The following LRP1B variants were observed in gnomAD, a reference collection of about 807,000 sequenced individuals.
The protein encoded by LRP1B is LDL receptor related protein 1B.
In LRP1B, 217 loss-of-function variants were observed where a neutral mutation model predicts 556.6. That is an observed-to-expected ratio of 0.39 (90% CI 0.35 to 0.44). The LOEUF (loss-of-function observed/expected upper bound fraction) is 0.44. Ranked by LOEUF, LRP1B falls within the 20% of genes least tolerant of loss-of-function variation. The pLI, the probability that LRP1B is intolerant of heterozygous loss-of-function variation, is 1.00. For synonymous variants in LRP1B, 2,047 were observed against 1,865.8 expected, an observed-to-expected ratio of 1.10 and a Z score of -2.50; for missense variants, 5,053 against 5,620.8, an observed-to-expected ratio of 0.90 and a Z score of 3.23.
intron 3 of LRP1B, among the ~76,000 whole-genome samples, chr2:141,441,066 A>T (rs889459394): frequency 1.4e-4 from 21 of 149,586 alleles, no homozygotes; most frequent in African/African-American, 4.2e-4. Flanking sequence ...TTTTTTTTTT[A>T]TTTTTTATTT....
intron 43 of LRP1B, among the ~76,000 whole-genome samples, chr2:140,557,313 C>T (rs996421027): frequency 2.0e-5 from 3 of 151,764 alleles, no homozygotes; most frequent in South Asian, 2.1e-4. Context: ...GTCTGTTTAC[C>T]CATAATCTTT....
chr2:141,939,069 A>G (rs1227972683), intron 1 of LRP1B, among the ~76,000 whole-genome samples: 1 of 152,042 alleles, frequency 6.6e-6, no homozygotes, highest in African/African-American at 2.4e-5. Flanking sequence ...CTAGAGATCA[A>G]TGTACAGCCT....
intron 1 of LRP1B, among the ~76,000 whole-genome samples, chr2:142,089,425 T>G (rs1308509299): frequency 2.0e-5 from 3 of 152,242 alleles, no homozygotes; most frequent in Non-Finnish European, 4.4e-5. Context: ...TTTAGAAGGG[T>G]TGGAAAAGTC....
chr2:141,453,195 C>A (rs965137548), intron 3 of LRP1B, among the ~76,000 whole-genome samples: 1 of 151,938 alleles, frequency 6.6e-6, no homozygotes, highest in Non-Finnish European at 1.5e-5. Flanking sequence ...TGAGATTGCC[C>A]CACTACACTC....
chr2:141,809,648 G>A (rs1696271790), intron 2 of LRP1B, among the ~76,000 whole-genome samples: 1 of 151,938 alleles, frequency 6.6e-6, no homozygotes, highest in Non-Finnish European at 1.5e-5. Flanking sequence ...AGTTATAGTA[G>A]TACAACTATG....
chr2:141,302,788 T>C (rs1686445587), intron 3 of LRP1B, among the ~76,000 whole-genome samples: 1 of 152,128 alleles, frequency 6.6e-6, no homozygotes, highest in Non-Finnish European at 1.5e-5. Flanking sequence ...GGATAGATTA[T>C]ATTTCTTAGA....
At chr2:141,587,872 G>A in intron 2 of LRP1B, among the ~76,000 whole-genome samples, 1 of 152,110 alleles carries the variant, frequency 6.6e-6, no homozygotes, top group Admixed American at 6.5e-5. Flanking sequence ...TTATAAACTA[G>A]CCAACCAATA....
chr2:141,283,426 G>A (rs536810755), intron 3 of LRP1B, among the ~76,000 whole-genome samples: 3 of 152,060 alleles, frequency 2.0e-5, no homozygotes, highest in Non-Finnish European at 2.9e-5. Context: ...AGGAAGGCGG[G>A]GGAGGTGGGG....
At chr2:141,991,718 C>G (rs1469790979) in intron 1 of LRP1B, among the ~76,000 whole-genome samples, 1 of 152,046 alleles carries the variant, frequency 6.6e-6, no homozygotes, top group Admixed American at 6.6e-5. Context: ...GAGGAGGAAT[C>G]AGGGAAGATT....
intron 86 of LRP1B, among the ~76,000 whole-genome samples, chr2:140,255,065 GAA>G (rs1413428923): frequency 6.6e-6 from 1 of 152,232 alleles, no homozygotes; most frequent in South Asian, 2.1e-4. Context: ...GATAAAATGA[GAA>G]AGATTTGTTT....
At chr2:140,966,320 T>TC (rs1696219759) in intron 18 of LRP1B, among the ~76,000 whole-genome samples, 2 of 152,262 alleles carry the variant, frequency 1.3e-5, no homozygotes, top group Admixed American at 1.3e-4. Flanking sequence ...GAGCATTTTT[T>TC]CACATGTCTG....
At chr2:141,907,067 GAATC>G (rs1319379145) in intron 1 of LRP1B, among the ~76,000 whole-genome samples, 6 of 151,940 alleles carry the variant, frequency 3.9e-5, no homozygotes, top group Non-Finnish European at 8.8e-5. Flanking sequence ...AGGAATTTCA[GAATC>G]AATACAATCA....
intron 3 of LRP1B, among the ~76,000 whole-genome samples, chr2:141,341,923 T>C (rs1688071457): frequency 6.6e-6 from 1 of 151,996 alleles, no homozygotes. Context: ...TCCTGCATAA[T>C]CAAAATGTTA....
At chr2:141,859,657 C>G (rs1289078898) in intron 1 of LRP1B, among the ~76,000 whole-genome samples, 1 of 152,142 alleles carries the variant, frequency 6.6e-6, no homozygotes, top group African/African-American at 2.4e-5. Flanking sequence ...TTTGACTGCT[C>G]TCACAACAAA....
intron 33 of LRP1B, among the ~76,000 whole-genome samples, chr2:140,775,553 G>A (rs1689466012): frequency 6.8e-6 from 1 of 146,866 alleles, no homozygotes; most frequent in East Asian, 2.1e-4. Context: ...ACTAGCAGAT[G>A]TGGGGCTGTA....
At chr2:140,433,162 A>C (rs1180632811) in intron 66 of LRP1B, among the ~76,000 whole-genome samples, 1 of 152,024 alleles carries the variant, frequency 6.6e-6, no homozygotes, top group Non-Finnish European at 1.5e-5. Context: ...GCAGTGGTGC[A>C]ATCTTGGCTC....
chr2:140,861,510 A>G (rs1300674817), intron 27 of LRP1B, among the ~76,000 whole-genome samples: 1 of 152,198 alleles, frequency 6.6e-6, no homozygotes, highest in Non-Finnish European at 1.5e-5. Flanking sequence ...GAAACAAACT[A>G]ATACTAATGC....
chr2:141,999,017 A>G (rs939027881), intron 1 of LRP1B, among the ~76,000 whole-genome samples: 14 of 152,186 alleles, frequency 9.2e-5, no homozygotes, highest in Admixed American at 3.9e-4. Context: ...TTTGTCGGCC[A>G]TTTCAAAACA....
At chr2:141,919,290 C>T (rs79539529) in intron 1 of LRP1B, among the ~76,000 whole-genome samples, 1,799 of 152,110 alleles carry the variant, frequency 0.012, 35 homozygotes, top group African/African-American at 0.042. Flanking sequence ...TATATTTTCA[C>T]ACACAGTTTG....
Sources: gnomAD v4.1 joint callset for allele counts (sites outside exome capture counted in the v4.1 genomes callset) on GRCh38, gnomAD v4.1.1 for gene constraint, MANE v1.5 for transcripts, NCBI Gene and HGNC (gene_info 2026-07-23, HGNC 2026-07-21) for gene names.